PCDHA5: variants seen among roughly 807,000 people sequenced by gnomAD.
PCDHA5 encodes protocadherin alpha 5.
A neutral mutation model predicts 61.6 loss-of-function variants in PCDHA5; 43 were observed. The ratio of observed to expected loss-of-function variants is 0.70; its 90% CI spans 0.55 to 0.90. The LOEUF (loss-of-function observed/expected upper bound fraction) is 0.90. Ranked by LOEUF, PCDHA5 falls within the 40% of genes least tolerant of loss-of-function variation. The pLI, the probability that PCDHA5 is intolerant of heterozygous loss-of-function variation, is 0.00. For missense variants in PCDHA5, 1,298 were observed against 1,222.7 expected, an observed-to-expected ratio of 1.06 and a Z score of -0.92; for synonymous variants, 627 against 543.9, an observed-to-expected ratio of 1.15 and a Z score of -2.13.
At chr5:140,873,403 GT>G (rs2054272319) in intron 1 of PCDHA5, among the ~76,000 whole-genome samples, 1 of 152,046 alleles carries the variant, frequency 6.6e-6, no homozygotes, top group South Asian at 2.1e-4. Flanking sequence ...TTCAGTACAG[GT>G]TAAAATTTTG....
chr5:140,952,724 C>G (rs1481919445), intron 1 of PCDHA5, among the ~76,000 whole-genome samples: 1 of 152,100 alleles, frequency 6.6e-6, no homozygotes, highest in Non-Finnish European at 1.5e-5. Context: ...ATTTTCTGTA[C>G]TAGTCTTTTC....
intron 1 of PCDHA5, among the ~76,000 whole-genome samples, chr5:140,889,028 C>T (rs1015343865): frequency 4.0e-5 from 6 of 151,754 alleles, no homozygotes; most frequent in African/African-American, 7.3e-5. Flanking sequence ...CTTGGATAAC[C>T]GTAATTTGAT....
At chr5:140,828,266 C>G (rs1769658438) in intron 1 of PCDHA5, 1 of 1,614,048 alleles carries the variant, frequency 6.2e-7, no homozygotes, top group African/African-American at 1.3e-5. Context: ...GCTGGCGGAG[C>G]TGGTGCCGCG....
chr5:140,970,967 G>C (rs2096448125), intron 1 of PCDHA5, among the ~76,000 whole-genome samples: 2 of 152,206 alleles, frequency 1.3e-5, no homozygotes, highest in Non-Finnish European at 2.9e-5. Context: ...GCAGATTGTA[G>C]ATTAAGAAAA....
chr5:140,856,128 G>A lies in PCDHA5; in HGVS notation c.2352+32001G>A, dbSNP rs1554148229. On this transcript the variant is annotated intron_variant, in intron 1 of 3. Coordinates refer to ENST00000529859, the MANE Select transcript of PCDHA5 (RefSeq NM_018908.3). ...CTCCTCGCAGCCTGGGAGGTGGGGA[G>A]CGGCCAGCTCCACTACTCAGTCTAC... The A allele has an allele frequency of 1.9e-6, 3 of 1,598,140 alleles. 1 individual carries two copies. The highest frequency in any genetic ancestry group is 2.6e-6 in the Non-Finnish European group (3 of 1,167,806).
rs141789471 is a variant in PCDHA5, at chr5:140,838,199, C to T, written c.2352+14072C>T. Among the ~76,000 whole-genome samples, 332 of 149,502 alleles carry T rather than the reference C, an allele frequency of 2.2e-3. 4 individuals carry two copies. The highest frequency in any genetic ancestry group is 7.4e-3 in the African/African-American group (299 of 40,498). On this transcript the variant is annotated intron_variant, in intron 1 of 3. Transcript: ENST00000529859. Reference sequence around the variant, plus strand: ...TGCAATCTCAGCTCACTGCAAAATCCGCCTCTCTGGTACAAGCAGTTCTCA... The same window carrying T: ...TGCAATCTCAGCTCACTGCAAAATCTGCCTCTCTGGTACAAGCAGTTCTCA...
intron 1 of PCDHA5, chr5:140,877,954 T>C: frequency 7.5e-7 from 1 of 1,334,236 alleles, no homozygotes; most frequent in Non-Finnish European, 9.8e-7. Context: ...ATCGAATGTC[T>C]CATCTTTCTT....
At chr5:140,972,798 A>G (rs782291338) in intron 1 of PCDHA5, among the ~76,000 whole-genome samples, 6 of 151,178 alleles carry the variant, frequency 4.0e-5, no homozygotes, top group Admixed American at 2.6e-4. Flanking sequence ...TGAGTAGCTG[A>G]GATTACAGGC....
chr5:140,925,917 A>T (rs1480980894), intron 1 of PCDHA5, among the ~76,000 whole-genome samples: 1 of 151,098 alleles, frequency 6.6e-6, no homozygotes, highest in African/African-American at 2.5e-5. Context: ...CCGTTTGCAA[A>T]GCACTCCCAA....
chr5:140,895,174 A>T (rs1554186407), intron 1 of PCDHA5, among the ~76,000 whole-genome samples: 2 of 152,150 alleles, frequency 1.3e-5, no homozygotes, highest in African/African-American at 4.8e-5. Context: ...ATCTATTTGT[A>T]GTCCCTTCTG....
chr5:140,963,300 TAAG>T (rs1387833703), intron 1 of PCDHA5, among the ~76,000 whole-genome samples: 2 of 152,120 alleles, frequency 1.3e-5, no homozygotes, highest in African/African-American at 4.8e-5. Flanking sequence ...GGAGAGAAAA[TAAG>T]AAGCTGTTTG....
intron 1 of PCDHA5, among the ~76,000 whole-genome samples, chr5:140,917,128 C>T (rs2077898518): frequency 6.6e-6 from 1 of 152,044 alleles, no homozygotes; most frequent in Non-Finnish European, 1.5e-5. Flanking sequence ...GCAGACTCCC[C>T]ACGTTGCTCA....
At chr5:140,979,257 C>T (rs1454477008) in intron 2 of PCDHA5, among the ~76,000 whole-genome samples, 1 of 152,194 alleles carries the variant, frequency 6.6e-6, no homozygotes, top group Non-Finnish European at 1.5e-5. Flanking sequence ...TATGTATTTT[C>T]TCCCATCAAA....
intron 1 of PCDHA5, among the ~76,000 whole-genome samples, chr5:140,827,069 GC>G (rs1769168909): frequency 6.6e-6 from 1 of 152,160 alleles, no homozygotes; most frequent in Non-Finnish European, 1.5e-5. Context: ...CTCATGCCTT[GC>G]TATTTAACAA....
At chr5:140,980,409 A>C (rs782265012) in intron 2 of PCDHA5, among the ~76,000 whole-genome samples, 3 of 152,188 alleles carry the variant, frequency 2.0e-5, no homozygotes, top group Non-Finnish European at 4.4e-5. Flanking sequence ...AGGTGGGCAG[A>C]TCATGAGGTC....
At chr5:140,876,955 G>C in intron 1 of PCDHA5, 1 of 1,613,390 alleles carries the variant, frequency 6.2e-7, no homozygotes, top group Admixed American at 1.7e-5. Flanking sequence ...CTACTCGCTG[G>C]TGGAGCGGCG....
chr5:140,891,742 A>T (rs2063228656), intron 1 of PCDHA5, among the ~76,000 whole-genome samples: 1 of 152,150 alleles, frequency 6.6e-6, no homozygotes, highest in African/African-American at 2.4e-5. Context: ...TCAATCCCTT[A>T]TACAACAGTG....
rs2150283562 is a variant in PCDHA5, at chr5:140,838,076, TA to T, written c.2352+13950del. 8.0e-3 allele frequency among the ~76,000 whole-genome samples: 249 copies of T among 31,136 alleles called. 2 individuals are homozygous for T. The highest frequency in any genetic ancestry group is 0.023 in the African/African-American group (97 of 4,194). The allele number at this position is 31,136 out of a possible 152,430, so 20.4% of individuals were successfully genotyped here. On this transcript the variant is annotated intron_variant, in intron 1 of 3. Transcript: ENST00000529859. ...TTTTCCACTTTAAGTTATATATATA[TA>T]GTGTGTGTGTGTGTGTGTGTGTGTG... is the stretch of plus-strand genomic sequence containing the variant.
intron 3 of PCDHA5, among the ~76,000 whole-genome samples, chr5:141,005,701 CAAAAAAAAAA>C (rs59860837): frequency 9.0e-4 from 7 of 7,792 alleles, no homozygotes; most frequent in East Asian, 6.4e-3. Context: ...AACTCCGTCT[CAAAAAAAAAA>C]AAAAAAAAAA....
Sources: allele counts gnomAD v4.1 joint callset (sites outside exome capture counted in the v4.1 genomes callset), GRCh38; gene constraint gnomAD v4.1.1; transcripts MANE v1.5; gene names NCBI Gene and HGNC (gene_info 2026-07-23, HGNC 2026-07-21).